MACROD2: variants seen among roughly 807,000 people sequenced by gnomAD.
The protein encoded by MACROD2 is ADP-ribose glycohydrolase MACROD2.
MACROD2 carries 36 observed loss-of-function variants against 70.4 expected under a neutral mutation model. The ratio of observed to expected loss-of-function variants is 0.51; its 90% confidence interval spans 0.39 to 0.68. The LOEUF is 0.68. Ranked by LOEUF, MACROD2 falls within the 30% of genes least tolerant of loss-of-function variation. The pLI is 0.00. For missense variants in MACROD2, 496 were observed against 538.4 expected, an observed-to-expected ratio of 0.92 and a Z score of 0.78; for synonymous variants, 172 against 178.8, an observed-to-expected ratio of 0.96 and a Z score of 0.30.
intron 4 of MACROD2, among the ~76,000 whole-genome samples, chr20:14,639,035 A>T (rs1009017371): frequency 6.6e-6 from 1 of 152,154 alleles, no homozygotes; most frequent in African/African-American, 2.4e-5. Flanking sequence ...TTGTGATGGT[A>T]AAATAATACA....
At chr20:15,080,284 T>C (rs1398827335) in intron 5 of MACROD2, among the ~76,000 whole-genome samples, 2 of 152,102 alleles carry the variant, frequency 1.3e-5, no homozygotes, top group Admixed American at 6.6e-5. Context: ...AACTCACAAG[T>C]CTACTGCAAA....
chr20:15,037,390 G>A (rs553014168), intron 5 of MACROD2, among the ~76,000 whole-genome samples: 190 of 152,260 alleles, frequency 1.2e-3, no homozygotes, highest in African/African-American at 4.3e-3. Flanking sequence ...GATAATACAG[G>A]TTGAGAATTA....
intron 10 of MACROD2, among the ~76,000 whole-genome samples, chr20:15,892,024 A>T (rs182331004): frequency 6.6e-6 from 1 of 152,274 alleles, no homozygotes; most frequent in East Asian, 1.9e-4. Context: ...CGATTGAGGG[A>T]TACAACCAGC....
intron 6 of MACROD2, among the ~76,000 whole-genome samples, chr20:15,309,020 A>G (rs1235291270): frequency 6.6e-6 from 1 of 152,150 alleles, no homozygotes; most frequent in African/African-American, 2.4e-5. Context: ...GTCCTATACA[A>G]AGCAATGTGG....
rs1248739341 is a variant in MACROD2 at position 14,862,074 on chromosome 20, A to AAT, written c.418+177121_418+177122dup. Among the ~76,000 whole-genome samples, 48 of 5,348 alleles carry AAT rather than the reference A, an allele frequency of 9.0e-3. 5 individuals are homozygous for AAT. Among genetic ancestry groups the AAT allele is most frequent in the African/African-American group, 0.027 (46 of 1,718 alleles). 3.5% of individuals were successfully genotyped at this position (5,348 alleles called of 152,430 possible). On this transcript the variant is annotated intron_variant, in intron 5 of 17. Transcript: ENST00000684519. ...ATTTATATATATATAAATATATATA[A>AAT]ATATATAAATATATATAAATATATA...
At chr20:14,582,346 C>G (rs1981086006) in intron 4 of MACROD2, among the ~76,000 whole-genome samples, 1 of 151,998 alleles carries the variant, frequency 6.6e-6, no homozygotes, top group Non-Finnish European at 1.5e-5. Context: ...GAAAAGAGCC[C>G]TATCCCCATG....
chr20:14,006,407 A>G (rs1234416594), intron 2 of MACROD2, among the ~76,000 whole-genome samples: 1 of 152,180 alleles, frequency 6.6e-6, no homozygotes, highest in Non-Finnish European at 1.5e-5. Flanking sequence ...ATGAAATCAC[A>G]TATGTCATAT....
At chr20:14,187,926 G>T (rs2081357872) in intron 3 of MACROD2, among the ~76,000 whole-genome samples, 1 of 152,114 alleles carries the variant, frequency 6.6e-6, no homozygotes, top group Non-Finnish European at 1.5e-5. Context: ...TACTCAAATT[G>T]TGATATTAAT....
At chr20:14,403,134 C>T (rs1042507182) in intron 3 of MACROD2, among the ~76,000 whole-genome samples, 2 of 151,902 alleles carry the variant, frequency 1.3e-5, no homozygotes, top group South Asian at 2.1e-4. Flanking sequence ...CAAGATGAGA[C>T]AAATGTAGAA....
intron 5 of MACROD2, among the ~76,000 whole-genome samples, chr20:15,049,913 A>T (rs1324685921): frequency 6.6e-6 from 1 of 150,718 alleles, no homozygotes; most frequent in African/African-American, 2.4e-5. Flanking sequence ...GTGCCACTGC[A>T]CTCCAGCCTG....
At chr20:16,044,547 CTTT>C in intron 16 of MACROD2, 21 bp from the exon 17 acceptor site, 5 of 1,329,254 alleles carry the variant, frequency 3.8e-6, no homozygotes, top group South Asian at 1.3e-5. Context: ...GAATATTTAA[CTTT>C]TTTTTTTTTT....
chr20:15,855,692 G>A (rs1383968827), intron 8 of MACROD2, among the ~76,000 whole-genome samples: 8 of 151,964 alleles, frequency 5.3e-5, no homozygotes, highest in African/African-American at 1.9e-4. Flanking sequence ...TCCACCCCAG[G>A]GTAATTGTTA....
chr20:14,596,232 GGC>G (rs1982130031), intron 4 of MACROD2, among the ~76,000 whole-genome samples: 1 of 150,840 alleles, frequency 6.6e-6, no homozygotes, highest in Non-Finnish European at 1.5e-5. Context: ...ACTACATACA[GGC>G]GCCCGCCACC....
At chr20:14,331,762 C>T (rs892403931) in intron 3 of MACROD2, among the ~76,000 whole-genome samples, 3 of 152,038 alleles carry the variant, frequency 2.0e-5, no homozygotes, top group Non-Finnish European at 4.4e-5. Context: ...CAAAAATGAA[C>T]GATCCTCTCC....
At chr20:15,264,805 G>A (rs988365796) in intron 6 of MACROD2, among the ~76,000 whole-genome samples, 1 of 152,002 alleles carries the variant, frequency 6.6e-6, no homozygotes, top group Admixed American at 6.6e-5. Context: ...AGTGAAATAA[G>A]GGAACTTCAG....
chr20:15,604,983 G>A (rs1373226267), intron 8 of MACROD2, among the ~76,000 whole-genome samples: 3 of 152,032 alleles, frequency 2.0e-5, no homozygotes, highest in African/African-American at 4.8e-5. Flanking sequence ...AGCTATAAAC[G>A]GATACACTGT....
intron 3 of MACROD2, among the ~76,000 whole-genome samples, chr20:14,275,205 G>A (rs2082240165): frequency 6.6e-6 from 1 of 152,138 alleles, no homozygotes; most frequent in African/African-American, 2.4e-5. Flanking sequence ...AAAGCTGGAG[G>A]CATCATGCTA....
At chr20:14,371,975 C>T (rs1430952183) in intron 3 of MACROD2, among the ~76,000 whole-genome samples, 1 of 152,080 alleles carries the variant, frequency 6.6e-6, no homozygotes, top group African/African-American at 2.4e-5. Flanking sequence ...CTTCTCCTCC[C>T]CAGCATTCAT....
rs559454160 is a variant in MACROD2, at chr20:15,899,295, CAT to C, written c.775+13487_775+13488del. On this transcript the variant is annotated intron_variant, in intron 10 of 17. Coordinates refer to ENST00000684519, the MANE Select transcript of MACROD2 (RefSeq NM_001351661.2). ...CTTTACATACATACAGATATATACACATATGTGTGTACATATATACATATATA... is the reference window on the plus strand; with the variant it reads ...CTTTACATACATACAGATATATACACATGTGTGTACATATATACATATATA... 2.1e-4 allele frequency among the ~76,000 whole-genome samples: 32 copies of C among 151,956 alleles called. No homozygotes were observed. The East Asian group carries it at 3.7e-3, about 18-fold the overall frequency.
Sources: gnomAD v4.1 joint callset for allele counts (sites outside exome capture counted in the v4.1 genomes callset) on GRCh38, gnomAD v4.1.1 for gene constraint, MANE v1.5 for transcripts, NCBI Gene and HGNC (gene_info 2026-07-23, HGNC 2026-07-21) for gene names.